The following GLIS3 variants were observed in gnomAD, a reference collection of about 807,000 sequenced individuals.
GLIS3 encodes the protein zinc finger protein GLIS3.
In GLIS3, 53 loss-of-function variants were observed where a neutral mutation model predicts 78.6. That is an observed-to-expected ratio of 0.67 (90% CI 0.54 to 0.85). The LOEUF (loss-of-function observed/expected upper bound fraction) is 0.85, where lower values mean the gene tolerates loss of function less well. GLIS3 is among the 40% of genes least tolerant of loss of function. GLIS3 has a pLI of 0.00. For synonymous variants in GLIS3, 684 were observed against 509.9 expected (o/e 1.34, Z -4.60); for missense variants, 1,703 against 1,231.1 (o/e 1.38, Z -5.74).
At chr9:4,189,385 A>G (rs1022219908) in intron 2 of GLIS3, among the ~76,000 whole-genome samples, 2 of 151,978 alleles carry the variant, frequency 1.3e-5, no homozygotes, top group Non-Finnish European at 2.9e-5. Flanking sequence ...CTGTTCTTTT[A>G]TATGTGCTGA....
chr9:4,132,925 T>G (rs543086692), intron 2 of GLIS3, among the ~76,000 whole-genome samples: 1 of 152,316 alleles, frequency 6.6e-6, no homozygotes, highest in Non-Finnish European at 1.5e-5. Context: ...CGTACTGTTC[T>G]AAAATGGGGT....
intron 2 of GLIS3, among the ~76,000 whole-genome samples, chr9:4,183,171 G>T (rs1469088348): frequency 6.6e-6 from 1 of 152,176 alleles, no homozygotes; most frequent in African/African-American, 2.4e-5. Flanking sequence ...TGACTTCCAT[G>T]TTACTTCTGA....
At chr9:4,029,951 T>C (rs1242233243) in intron 4 of GLIS3, among the ~76,000 whole-genome samples, 1 of 152,210 alleles carries the variant, frequency 6.6e-6, no homozygotes, top group Non-Finnish European at 1.5e-5. Flanking sequence ...TTCTTTTAGG[T>C]ATATCCAGCA....
intron 9 of GLIS3, among the ~76,000 whole-genome samples, chr9:3,837,230 C>A (rs891886178): frequency 2.6e-5 from 4 of 152,182 alleles, no homozygotes; most frequent in Non-Finnish European, 5.9e-5. Context: ...ATTGGAGCAT[C>A]TTTGGTTACA....
At chr9:4,052,064 A>C (rs1825785990) in intron 4 of GLIS3, among the ~76,000 whole-genome samples, 1 of 152,206 alleles carries the variant, frequency 6.6e-6, no homozygotes, top group Non-Finnish European at 1.5e-5. Context: ...TTTGGGGCTT[A>C]AAAGAATCAA....
intron 4 of GLIS3, among the ~76,000 whole-genome samples, chr9:4,022,979 T>C (rs1019228610): frequency 1.3e-4 from 20 of 152,138 alleles, no homozygotes; most frequent in Admixed American, 6.5e-5. Context: ...GCTCTCTCTG[T>C]TGTCTTGTTT....
At chr9:3,863,849 G>C (rs911734709) in intron 8 of GLIS3, among the ~76,000 whole-genome samples, 2 of 152,108 alleles carry the variant, frequency 1.3e-5, no homozygotes, top group African/African-American at 4.8e-5. Flanking sequence ...TCTTCGAAAT[G>C]CTGAAATAGG....
chr9:4,474,619 T>TGTTCATAC, the GLIS3 span, among the ~76,000 whole-genome samples: 1 of 152,088 alleles, frequency 6.6e-6, no homozygotes, highest in African/African-American at 2.4e-5. Context: ...ACATATAATA[T>TGTTCATAC]CTTCATACCT....
At chr9:4,308,776 C>T (rs1164933367) in intron 4 of GLIS3, 1 of 152,216 alleles carries the variant, frequency 6.6e-6, no homozygotes, top group Non-Finnish European at 1.5e-5. Context: ...CTTTGTCTCA[C>T]CTGGGATGGC....
intron 9 of GLIS3, among the ~76,000 whole-genome samples, chr9:3,831,815 A>G (rs971058186): frequency 5.3e-5 from 8 of 152,238 alleles, no homozygotes; most frequent in Admixed American, 1.3e-4. Context: ...TAAGCTTTTA[A>G]CAACATGGAA....
chr9:4,315,506 AT>A (rs932448537), intron 2 of GLIS3, among the ~76,000 whole-genome samples: 4 of 152,208 alleles, frequency 2.6e-5, no homozygotes, highest in Non-Finnish European at 5.9e-5. Context: ...AAGCCTTTAA[AT>A]TGATTCAAAC....
intron 9 of GLIS3, among the ~76,000 whole-genome samples, chr9:3,835,777 A>T (rs573367827): frequency 2.0e-5 from 3 of 152,168 alleles, no homozygotes; most frequent in Non-Finnish European, 4.4e-5. Flanking sequence ...TTCTTTTTCT[A>T]TTCTTCTAAT....
intron 2 of GLIS3, among the ~76,000 whole-genome samples, chr9:4,228,216 A>AG (rs200275582): frequency 1.3e-5 from 2 of 150,330 alleles, no homozygotes; most frequent in African/African-American, 4.9e-5. Flanking sequence ...AAAAAAAAAA[A>AG]AAGAAGAAGA....
At chr9:4,062,800 G>C (rs898586008) in intron 4 of GLIS3, among the ~76,000 whole-genome samples, 1 of 152,014 alleles carries the variant, frequency 6.6e-6, no homozygotes, top group Admixed American at 6.6e-5. Flanking sequence ...ACGGTGGCGG[G>C]CACCTGTAGT....
the GLIS3 span, among the ~76,000 whole-genome samples, chr9:4,364,844 T>G: frequency 1.4e-5 from 2 of 139,070 alleles, no homozygotes; most frequent in South Asian, 2.3e-4. Flanking sequence ...TATTCACAGG[T>G]GCAATCATAG....
intron 4 of GLIS3, among the ~76,000 whole-genome samples, chr9:4,069,653 G>A (rs926998738): frequency 2.0e-5 from 3 of 151,996 alleles, no homozygotes; most frequent in Non-Finnish European, 2.9e-5. Flanking sequence ...GGTGAGAAGT[G>A]CCTTGAAATG....
chr9:4,215,003 T>C (rs1413543869), intron 2 of GLIS3, among the ~76,000 whole-genome samples: 1 of 152,184 alleles, frequency 6.6e-6, no homozygotes, highest in East Asian at 1.9e-4. Context: ...CTCCCTGTAC[T>C]TTGAAAAGCC....
intron 2 of GLIS3, among the ~76,000 whole-genome samples, chr9:4,195,959 G>A (rs1586943470): frequency 6.6e-6 from 1 of 152,312 alleles, no homozygotes; most frequent in Middle Eastern, 3.4e-3. Flanking sequence ...GCACCAATCA[G>A]CACCCTGTGT....
At chr9:4,156,325 C>A (rs1835039640) in intron 2 of GLIS3, among the ~76,000 whole-genome samples, 1 of 152,230 alleles carries the variant, frequency 6.6e-6, no homozygotes. Context: ...CCTTTCCTCT[C>A]CTTCCCTTAC....
Sources: gnomAD v4.1 joint callset for allele counts (sites outside exome capture counted in the v4.1 genomes callset) on GRCh38, gnomAD v4.1.1 for gene constraint, MANE v1.5 for transcripts, NCBI Gene and HGNC (gene_info 2026-07-23, HGNC 2026-07-21) for gene names.